ROBO2: variants seen among roughly 807,000 people sequenced by gnomAD.
ROBO2 encodes the protein roundabout homolog 2.
In ROBO2, 53 loss-of-function variants were observed where a neutral mutation model predicts 160.8. The ratio of observed to expected loss-of-function variants is 0.33; its 90% CI spans 0.26 to 0.41. The LOEUF is 0.41. Among genes scored for constraint, ROBO2 ranks in the 10% least tolerant of loss-of-function variants. The pLI is 1.00. For synonymous variants in ROBO2, 664 were observed against 611.7 expected, an observed-to-expected ratio of 1.09 and a Z score of -1.26; for missense variants, 1,577 against 1,722.4, an observed-to-expected ratio of 0.92 and a Z score of 1.49.
At chr3:76,322,286 A>G (rs2072627361) in intron 2 of ROBO2, among the ~76,000 whole-genome samples, 1 of 150,664 alleles carries the variant, frequency 6.6e-6, no homozygotes, top group Non-Finnish European at 1.5e-5. Flanking sequence ...CTGTATACAA[A>G]TAGTTCATCT....
At chr3:77,579,556 T>A (rs2093858979) in intron 15 of ROBO2, among the ~76,000 whole-genome samples, 1 of 152,186 alleles carries the variant, frequency 6.6e-6, no homozygotes, top group Non-Finnish European at 1.5e-5. Context: ...TAAATCTTGA[T>A]AAATAAAACA....
chr3:76,217,988 G>T (rs1057474396), intron 2 of ROBO2, among the ~76,000 whole-genome samples: 1 of 152,068 alleles, frequency 6.6e-6, no homozygotes, highest in Non-Finnish European at 1.5e-5. Flanking sequence ...TTCATCCTTG[G>T]GATGCAAGGC....
intron 1 of ROBO2, among the ~76,000 whole-genome samples, chr3:75,911,295 A>G (rs905662621): frequency 3.3e-5 from 5 of 152,150 alleles, no homozygotes; most frequent in African/African-American, 1.2e-4. Context: ...TTACAGACCC[A>G]TGATTAAAAT....
intron 2 of ROBO2, among the ~76,000 whole-genome samples, chr3:76,287,324 C>T (rs190088667): frequency 2.8e-3 from 414 of 147,932 alleles, no homozygotes; most frequent in Admixed American, 4.5e-3. Context: ...GAGACAGAGT[C>T]TCGCTCTGTC....
At chr3:77,366,338 A>C (rs1000453166) in intron 2 of ROBO2, among the ~76,000 whole-genome samples, 5 of 152,000 alleles carry the variant, frequency 3.3e-5, no homozygotes, top group African/African-American at 1.2e-4. Context: ...GACTTTCGGG[A>C]AATGATTATA....
intron 2 of ROBO2, among the ~76,000 whole-genome samples, chr3:77,297,883 G>C (rs2062290903): frequency 6.6e-6 from 1 of 152,158 alleles, no homozygotes; most frequent in Non-Finnish European, 1.5e-5. Flanking sequence ...GTCCGGGATA[G>C]AAGGCCCATT....
At chr3:76,616,637 C>G (rs2088606909) in intron 2 of ROBO2, among the ~76,000 whole-genome samples, 1 of 152,142 alleles carries the variant, frequency 6.6e-6, no homozygotes, top group African/African-American at 2.4e-5. Context: ...TTGTCCTCTC[C>G]CAGAGGAGTC....
At chr3:77,569,968 C>T (rs975059823) in intron 13 of ROBO2, among the ~76,000 whole-genome samples, 2 of 151,684 alleles carry the variant, frequency 1.3e-5, no homozygotes, top group Non-Finnish European at 2.9e-5. Flanking sequence ...GGTTTCTATT[C>T]TTCTGTTCCC....
At chr3:77,437,822 C>T (rs962511274) in intron 2 of ROBO2, among the ~76,000 whole-genome samples, 3 of 151,888 alleles carry the variant, frequency 2.0e-5, no homozygotes, top group African/African-American at 7.2e-5. Context: ...ATATGACAGC[C>T]TTCTGTGAAT....
chr3:77,505,115 C>T (rs1051115226), intron 5 of ROBO2, among the ~76,000 whole-genome samples: 1 of 152,072 alleles, frequency 6.6e-6, no homozygotes, highest in African/African-American at 2.4e-5. Context: ...ATGGAATACA[C>T]CATAAAATGG....
At chr3:77,029,460 C>T (rs959984443) in intron 2 of ROBO2, among the ~76,000 whole-genome samples, 1 of 151,022 alleles carries the variant, frequency 6.6e-6, no homozygotes, top group Non-Finnish European at 1.5e-5. Flanking sequence ...CGTTAAGCCT[C>T]TCTAAGATGA....
At chr3:77,022,124 C>T (rs1220729603) in intron 2 of ROBO2, among the ~76,000 whole-genome samples, 1 of 152,038 alleles carries the variant, frequency 6.6e-6, no homozygotes, top group African/African-American at 2.4e-5. Flanking sequence ...AATCCCAGCA[C>T]TTTGGGAAGC....
chr3:77,617,565 C>A lies in ROBO2; in HGVS notation c.3346C>A (p.Gln1116Lys), dbSNP rs777186201. Residue 1116 changes from glutamine to lysine, a missense_variant, in exon 22 of 26, where the codon CAA (glutamine) becomes AAA (lysine). By Grantham distance (53) the Gln-to-Lys change is moderately conservative (BLOSUM62 1). This residue lies in a region of ROBO2 where 637 missense variants were observed against 586.9 expected (regional missense o/e 1.09). Coordinates refer to ENST00000461745, the Ensembl canonical transcript of ROBO2. ...ATTGCCAGTACAAACTTACTTACACCAAGGTCTGGAAGATGAACTGGAAGA... is the reference window on the plus strand; with the variant it reads ...ATTGCCAGTACAAACTTACTTACACAAAGGTCTGGAAGATGAACTGGAAGA... The A allele has an allele frequency of 3.1e-6, 5 of 1,614,076 alleles. No individual in the cohort carries two copies. The South Asian group carries it at 4.4e-5, about 14-fold the overall frequency.
chr3:77,590,495 C>T (rs1193115245), intron 17 of ROBO2, among the ~76,000 whole-genome samples: 2 of 152,124 alleles, frequency 1.3e-5, no homozygotes, highest in African/African-American at 4.8e-5. Context: ...TCTGTTTAAT[C>T]AGCCACCATG....
At chr3:76,877,615 G>A (rs1434360759) in intron 2 of ROBO2, among the ~76,000 whole-genome samples, 1 of 152,132 alleles carries the variant, frequency 6.6e-6, no homozygotes, top group Non-Finnish European at 1.5e-5. Context: ...AAGTTCTATG[G>A]CACACAGTAG....
chr3:77,032,074 C>T (rs952479077), intron 2 of ROBO2, among the ~76,000 whole-genome samples: 11 of 152,086 alleles, frequency 7.2e-5, no homozygotes, highest in African/African-American at 2.2e-4. Flanking sequence ...CCCTCATCAC[C>T]GAATTACCTC....
chr3:76,909,542 A>G (rs542341149), intron 2 of ROBO2, among the ~76,000 whole-genome samples: 9 of 152,122 alleles, frequency 5.9e-5, no homozygotes, highest in Non-Finnish European at 1.0e-4. Context: ...CTCTCCCCTC[A>G]AAAAACTGAA....
intron 2 of ROBO2, among the ~76,000 whole-genome samples, chr3:77,339,248 G>A (rs563791986): frequency 2.8e-4 from 43 of 152,072 alleles, no homozygotes; most frequent in African/African-American, 9.9e-4. Context: ...ATTAGAGTTA[G>A]AAGTTATTTG....
intron 2 of ROBO2, among the ~76,000 whole-genome samples, chr3:76,341,549 A>C (rs761691287): frequency 2.5e-4 from 38 of 150,896 alleles, no homozygotes; most frequent in Non-Finnish European, 4.3e-4. Context: ...TGTGCTGTGG[A>C]CTGTTCAACT....
Sources: gnomAD v4.1 joint callset for allele counts (sites outside exome capture counted in the v4.1 genomes callset) on GRCh38, gnomAD v4.1.1 for gene constraint, gnomAD v4.1.1 regional missense constraint, MANE v1.5 for transcripts, NCBI Gene and HGNC (gene_info 2026-07-23, HGNC 2026-07-21) for gene names.